SNX24: variants seen among roughly 807,000 people sequenced by gnomAD.
SNX24 encodes sorting nexin 24.
SNX24 carries 22 observed loss-of-function variants against 28.7 expected under a neutral mutation model. The observed-to-expected ratio is 0.77, with a 90% confidence interval of 0.55 to 1.10. SNX24 has a LOEUF of 1.10. Ranked by LOEUF, SNX24 falls within the 50% of genes least tolerant of loss-of-function variation. SNX24 has a pLI of 0.00. For synonymous variants in SNX24, 69 were observed against 71.5 expected, an observed-to-expected ratio of 0.96 and a Z score of 0.18; for missense variants, 221 against 201.1, an observed-to-expected ratio of 1.10 and a Z score of -0.60.
chr5:122,993,245 A>AT (rs1344424169), intron 3 of SNX24, among the ~76,000 whole-genome samples: 1 of 146,392 alleles, frequency 6.8e-6, no homozygotes, highest in Non-Finnish European at 1.5e-5. Context: ...AGCACATCTG[A>AT]TTTTTATTTT....
chr5:122,919,171 C>T (rs1758309624), intron 1 of SNX24, among the ~76,000 whole-genome samples: 1 of 152,214 alleles, frequency 6.6e-6, no homozygotes, highest in Non-Finnish European at 1.5e-5. Context: ...ATTGACAACA[C>T]TTCAAGTTGA....
At chr5:122,917,159 A>C (rs1291983340) in intron 1 of SNX24, among the ~76,000 whole-genome samples, 1 of 151,498 alleles carries the variant, frequency 6.6e-6, no homozygotes, top group African/African-American at 2.4e-5. Context: ...CGAGAGGCTG[A>C]GGCAGGAGAA....
chr5:122,927,757 C>T (rs972783521), intron 1 of SNX24, among the ~76,000 whole-genome samples: 4 of 152,126 alleles, frequency 2.6e-5, no homozygotes, highest in South Asian at 2.1e-4. Flanking sequence ...CAGATCTAGT[C>T]TTCATTCACA....
intron 1 of SNX24, among the ~76,000 whole-genome samples, chr5:122,853,115 C>CT (rs10530519): frequency 0.019 from 1,335 of 71,630 alleles, 204 homozygotes; most frequent in Non-Finnish European, 0.025. Context: ...GTTCTTTAGC[C>CT]TTTTTTTTTT....
intron 3 of SNX24, among the ~76,000 whole-genome samples, chr5:122,963,867 A>G (rs1166064141): frequency 6.6e-6 from 1 of 152,152 alleles, no homozygotes. Flanking sequence ...TGTTCTCACT[A>G]TGTAATACAT....
chr5:122,917,625 C>T lies in SNX24; in HGVS notation c.61-19109C>T, dbSNP rs138637043. Among the ~76,000 whole-genome samples the T allele has an allele frequency of 1.2e-4, 18 of 152,172 alleles. No individual in the cohort carries two copies. The East Asian group carries it at 1.5e-3, about 13-fold the overall frequency. ...TTCAAACCACGGTGGTGGTGATGTGCGTCATAAAATTTTAGGCCTTTGTGT... is the reference window on the plus strand; with the variant it reads ...TTCAAACCACGGTGGTGGTGATGTGTGTCATAAAATTTTAGGCCTTTGTGT... On this transcript the variant is annotated intron_variant, in intron 1 of 6. Transcript: ENST00000261369.
chr5:122,907,551 G>A (rs1444567732), intron 1 of SNX24, among the ~76,000 whole-genome samples: 2 of 152,076 alleles, frequency 1.3e-5, no homozygotes, highest in African/African-American at 2.4e-5. Flanking sequence ...CAAAATATTA[G>A]GAGTCTGTCT....
intron 1 of SNX24, among the ~76,000 whole-genome samples, chr5:122,908,668 A>G (rs1429360770): frequency 6.6e-6 from 1 of 152,242 alleles, no homozygotes; most frequent in African/African-American, 2.4e-5. Context: ...TGCCAGAACT[A>G]TAATTAGTAA....
At chr5:123,015,328 A>T (rs567839480) in intron 5 of SNX24, among the ~76,000 whole-genome samples, 2 of 152,188 alleles carry the variant, frequency 1.3e-5, no homozygotes, top group Non-Finnish European at 2.9e-5. Flanking sequence ...ATTGGCTAAC[A>T]TCTTCCCGGA....
intron 2 of SNX24, among the ~76,000 whole-genome samples, chr5:122,945,239 A>G (rs1759634199): frequency 6.6e-6 from 1 of 152,170 alleles, no homozygotes; most frequent in Admixed American, 6.5e-5. Context: ...TCCCTTTTAT[A>G]AGGATCCTTG....
chr5:122,856,665 G>A (rs1487689673), intron 1 of SNX24, among the ~76,000 whole-genome samples: 3 of 151,156 alleles, frequency 2.0e-5, no homozygotes, highest in East Asian at 2.0e-4. Context: ...ACAGGTGCCC[G>A]CCAACATGCC....
At chr5:122,894,737 G>A (rs1392219566) in intron 1 of SNX24, among the ~76,000 whole-genome samples, 2 of 152,166 alleles carry the variant, frequency 1.3e-5, no homozygotes, top group Non-Finnish European at 2.9e-5. Flanking sequence ...GGTTTTAGAA[G>A]GAAGAGGGCT....
At chr5:122,976,865 TGGCAGCGGTTTGTTTGCAG>T (rs1761187164) in intron 3 of SNX24, among the ~76,000 whole-genome samples, 1 of 152,240 alleles carries the variant, frequency 6.6e-6, no homozygotes, top group South Asian at 2.1e-4. Context: ...TGTGAGAGCA[TGGCAGCGGTTTGTTTGCAG>T]GGCAGCTTTT....
chr5:122,926,792 G>C (rs560152671), intron 1 of SNX24, among the ~76,000 whole-genome samples: 2 of 152,178 alleles, frequency 1.3e-5, no homozygotes, highest in African/African-American at 4.8e-5. Context: ...CCACTGGACC[G>C]TGTGCTCATC....
At chr5:123,010,731 A>G (rs1292941704), downstream of SNX24, among the ~76,000 whole-genome samples, 1 of 152,226 alleles carries the variant, frequency 6.6e-6, no homozygotes, top group Non-Finnish European at 1.5e-5. Context: ...GTCTGTACTT[A>G]ATGTGTCTAC....
At chr5:122,882,304 G>C (rs1756514776) in intron 1 of SNX24, among the ~76,000 whole-genome samples, 1 of 152,174 alleles carries the variant, frequency 6.6e-6, no homozygotes, top group South Asian at 2.1e-4. Flanking sequence ...TTTAGCATTA[G>C]GATGCCTCTA....
chr5:122,971,813 C>T (rs1226780285), intron 3 of SNX24, among the ~76,000 whole-genome samples: 1 of 152,188 alleles, frequency 6.6e-6, no homozygotes, highest in Non-Finnish European at 1.5e-5. Flanking sequence ...TTGATGACTA[C>T]CTTCTTCTAC....
chr5:122,853,713 C>T (rs538491724), intron 1 of SNX24: 1 of 410,264 alleles, frequency 2.4e-6, no homozygotes, highest in East Asian at 7.6e-5. Flanking sequence ...GCCCTGAACT[C>T]CTGGTCTCAA....
At chr5:122,953,070 C>CTTTCTTTCTTCT (rs1400525969) in intron 3 of SNX24, among the ~76,000 whole-genome samples, 295 of 147,424 alleles carry the variant, frequency 2.0e-3, no homozygotes, top group Non-Finnish European at 3.2e-3. Flanking sequence ...TTCTTTCTTC[C>CTTTCTTTCTTCT]TTTCTTCCTT....
Sources: gnomAD v4.1 joint callset for allele counts (sites outside exome capture counted in the v4.1 genomes callset) on GRCh38, gnomAD v4.1.1 for gene constraint, MANE v1.5 for transcripts, NCBI Gene and HGNC (gene_info 2026-07-23, HGNC 2026-07-21) for gene names.